Variants in PGM2 observed in about 807,000 individuals in gnomAD.
PGM2 encodes the protein phosphopentomutase.
PGM2 carries 57 observed loss-of-function variants against 74.6 expected under a neutral mutation model. The observed-to-expected ratio is 0.76, with a 90% CI of 0.62 to 0.95. PGM2 has a LOEUF of 0.95. Ranked by LOEUF, PGM2 falls within the 40% of genes least tolerant of loss-of-function variation. PGM2 has a pLI of 0.00. For synonymous variants in PGM2, 273 were observed against 260.7 expected, an observed-to-expected ratio of 1.05 and a Z score of -0.46; for missense variants, 706 against 741.9, an observed-to-expected ratio of 0.95 and a Z score of 0.56.
intron 13 of PGM2, among the ~76,000 whole-genome samples, chr4:37,857,839 C>T (rs775441397): frequency 8.5e-5 from 13 of 152,080 alleles, no homozygotes; most frequent in East Asian, 1.9e-4. Flanking sequence ...ATCTTGTTTT[C>T]GTGTGCATTA....
chr4:37,830,179 C>G (rs888015212), intron 2 of PGM2, 48 bp downstream of exon 2: 1 of 1,322,692 alleles, frequency 7.6e-7, no homozygotes, highest in African/African-American at 1.5e-5. Context: ...TCCCCTAGCT[C>G]ATTTTCTATT....
intron 6 of PGM2, among the ~76,000 whole-genome samples, chr4:37,841,916 C>T (rs1029151781): frequency 3.3e-5 from 5 of 152,152 alleles, no homozygotes; most frequent in Admixed American, 3.3e-4. Context: ...TATGTGCATT[C>T]ACAAAGTTGA....
chr4:37,846,124 G>A (rs1408937782), intron 8 of PGM2, among the ~76,000 whole-genome samples: 1 of 152,174 alleles, frequency 6.6e-6, no homozygotes, highest in Non-Finnish European at 1.5e-5. Context: ...TCAAGGAGAT[G>A]CTGAATTTAG....
In PGM2 at chr4:37,840,191, TCTC is replaced by T; in HGVS notation, c.653_655del (p.Leu218del). 1 of 1,612,976 alleles carries T rather than the reference TCTC, an allele frequency of 6.2e-7. No individual in the cohort carries two copies. Among genetic ancestry groups the T allele is most frequent in the Non-Finnish European group, 8.5e-7 (1 of 1,178,976 alleles). ...ATTCTTTAATTGATAGCAGTCCACT[TCTC>T]CACAATCCGAGTGCTTCCATCAATA... On this transcript the variant is annotated inframe_deletion, in exon 6 of 14. Transcript: ENST00000381967.
intron 3 of PGM2, among the ~76,000 whole-genome samples, chr4:37,836,643 G>A (rs1489187621): frequency 2.0e-5 from 3 of 152,168 alleles, no homozygotes; most frequent in Non-Finnish European, 2.9e-5. Context: ...GAGTAAGAAT[G>A]ATCTGATTGT....
At chr4:37,841,219 A>G in intron 6 of PGM2, among the ~76,000 whole-genome samples, 1 of 119,392 alleles carries the variant, frequency 8.4e-6, no homozygotes. Context: ...CCCCCAATTA[A>G]TTTGTCATGG....
chr4:37,834,577 T>C (rs763904971), intron 2 of PGM2, 41 bp from the exon 3 acceptor site: 2 of 1,022,224 alleles, frequency 2.0e-6, no homozygotes, highest in Non-Finnish European at 3.0e-6. Flanking sequence ...TATATAAAAA[T>C]ATGTTAAAAC....
intron 6 of PGM2, among the ~76,000 whole-genome samples, chr4:37,841,190 T>TGTGTGTGTG (rs1491511171): frequency 0.023 from 1,937 of 83,352 alleles, 84 homozygotes; most frequent in African/African-American, 0.067. Flanking sequence ...GTGTGTGTGG[T>TGTGTGTGTG]TTGTTCTGTG....
At chr4:37,852,348 A>G (rs2152180666) in intron 12 of PGM2, among the ~76,000 whole-genome samples, 1 of 151,990 alleles carries the variant, frequency 6.6e-6, no homozygotes, top group South Asian at 2.1e-4. Flanking sequence ...AAATCCTTCA[A>G]ATGCCTCTCA....
At chr4:37,856,644 T>C (rs1726208674) in intron 13 of PGM2, among the ~76,000 whole-genome samples, 1 of 152,098 alleles carries the variant, frequency 6.6e-6, no homozygotes. Context: ...CTGTCCTTAG[T>C]GTGTGTAAGT....
At chr4:37,853,966 C>G (rs969390994) in intron 12 of PGM2, among the ~76,000 whole-genome samples, 3 of 152,226 alleles carry the variant, frequency 2.0e-5, no homozygotes, top group African/African-American at 7.2e-5. Context: ...TTCCTGCTTT[C>G]CACCCCTGCC....
Position 37,840,274 on chromosome 4 carries a change from T to C in PGM2, c.719+15T>C, listed in dbSNP as rs1239057091. Reference sequence around the variant, plus strand: ...TGTTTCCACAGGTAAATGAATTGTGTCTTCACTGACCTTAAGTGAGTTAAT... The same window carrying C: ...TGTTTCCACAGGTAAATGAATTGTGCCTTCACTGACCTTAAGTGAGTTAAT... On this transcript the variant is annotated intron_variant, in intron 6 of 13. Transcript: ENST00000381967. The C allele has an allele frequency of 1.2e-5, 18 of 1,513,406 alleles. No individual in the cohort carries two copies. Among genetic ancestry groups the C allele is most frequent in the Non-Finnish European group, 1.6e-5 (17 of 1,089,388 alleles). 93.7% of individuals were successfully genotyped at this position (1,513,406 alleles called of 1,614,324 possible).
At chr4:37,853,588 G>C (rs955659311) in intron 12 of PGM2, among the ~76,000 whole-genome samples, 3 of 151,998 alleles carry the variant, frequency 2.0e-5, no homozygotes, top group African/African-American at 7.3e-5. Context: ...GAACTGATTG[G>C]AAGCTCTGTG....
chr4:37,848,680 A>T, intron 11 of PGM2, 29 bp downstream of exon 11: 1 of 1,534,608 alleles, frequency 6.5e-7, no homozygotes, highest in Non-Finnish European at 8.9e-7. Flanking sequence ...TGTTGGATTG[A>T]AATAATATTT....
At chr4:37,855,534 A>T (rs559880207) in intron 12 of PGM2, 74 bp from the exon 13 acceptor site, 2 of 1,312,114 alleles carry the variant, frequency 1.5e-6, no homozygotes, top group Non-Finnish European at 2.1e-6. Flanking sequence ...TTATTTTCTT[A>T]CTTATGCAAG....
In PGM2 at chr4:37,845,722, G is replaced by A; in HGVS notation, c.999G>A (p.Lys333=). Residue 333 remains lysine, a synonymous_variant, in exon 8 of 14, where the codon AAG becomes AAA. Coordinates refer to ENST00000381967, the MANE Select transcript of PGM2 (RefSeq NM_018290.4). ...CTGATAGACTTGCTGTGGCAGAAAA[G>A]CAAGACAGGTAAAATTAATTGTGAT... ...PDADRLAVAE[K]QDSGEWRVFS... The A allele has an allele frequency of 6.3e-7, 1 of 1,599,102 alleles. No homozygotes were observed. The highest frequency in any genetic ancestry group is 2.2e-5 in the East Asian group (1 of 44,798).
intron 3 of PGM2, among the ~76,000 whole-genome samples, chr4:37,836,930 A>G (rs1577674233): frequency 6.6e-6 from 1 of 152,214 alleles, no homozygotes; most frequent in East Asian, 1.9e-4. Context: ...AAATAAAGCA[A>G]TCTCTAATCA....
At chr4:37,839,508 C>T (rs762656028) in intron 4 of PGM2, 16 of 477,018 alleles carry the variant, frequency 3.4e-5, no homozygotes, top group Non-Finnish European at 5.4e-5. Context: ...CCACAAACTT[C>T]TGTCTCAGGT....
intron 12 of PGM2, among the ~76,000 whole-genome samples, chr4:37,854,832 T>G (rs962225522): frequency 1.3e-5 from 2 of 152,180 alleles, no homozygotes; most frequent in African/African-American, 4.8e-5. Context: ...TTTAATAACT[T>G]CAATAGAACT....
Sources: allele counts gnomAD v4.1 joint callset (sites outside exome capture counted in the v4.1 genomes callset), GRCh38; gene constraint gnomAD v4.1.1; transcripts MANE v1.5; gene names NCBI Gene and HGNC (gene_info 2026-07-23, HGNC 2026-07-21).